Variants in RBM19 observed in about 807,000 individuals in gnomAD.
RBM19 encodes probable RNA-binding protein 19.
Under a neutral mutation model 116.8 loss-of-function variants are expected in RBM19, and 94 were observed. The observed-to-expected ratio is 0.80, with a 90% CI of 0.68 to 0.95. The LOEUF is 0.95. Ranked by LOEUF, RBM19 falls within the 40% of genes least tolerant of loss-of-function variation. The pLI is 0.00. For missense variants in RBM19, 1,161 were observed against 1,220.7 expected (o/e 0.95, Z 0.73); for synonymous variants, 475 against 494.1 (o/e 0.96, Z 0.51).
intron 21 of RBM19, among the ~76,000 whole-genome samples, chr12:113,861,822 G>A (rs1054545178): frequency 5.3e-5 from 8 of 152,296 alleles, no homozygotes; most frequent in South Asian, 2.1e-4. Flanking sequence ...ACCAGGGATC[G>A]TAGGCAGGGA....
chr12:113,848,201 T>G (rs1877147963), intron 22 of RBM19, among the ~76,000 whole-genome samples: 1 of 152,226 alleles, frequency 6.6e-6, no homozygotes. Context: ...GCTGTTATTA[T>G]GATGATGTAT....
At chr12:113,872,299 G>A (rs1410304823) in intron 21 of RBM19, among the ~76,000 whole-genome samples, 9 of 148,304 alleles carry the variant, frequency 6.1e-5, no homozygotes, top group Admixed American at 2.0e-4. Context: ...CAACCACCCC[G>A]TCTGAGAAGT....
intron 7 of RBM19, among the ~76,000 whole-genome samples, chr12:113,953,704 T>C (rs767101005): frequency 4.1e-4 from 62 of 152,232 alleles, no homozygotes; most frequent in Non-Finnish European, 6.9e-4. Context: ...CAACTGATAT[T>C]ATGTGCCAAA....
At chr12:113,955,035 G>A in intron 7 of RBM19, 96 bp downstream of exon 7, 2 of 1,219,858 alleles carry the variant, frequency 1.6e-6, no homozygotes, top group Non-Finnish European at 2.4e-6. Context: ...GTCCTCAACC[G>A]ACTCTAATGC....
At chr12:113,909,779 C>T (rs1882313140) in intron 21 of RBM19, among the ~76,000 whole-genome samples, 1 of 152,146 alleles carries the variant, frequency 6.6e-6, no homozygotes, top group East Asian at 1.9e-4. Flanking sequence ...TAAACCTAAC[C>T]CCAAACAGTG....
At chr12:113,919,209 T>G (rs958168712) in intron 19 of RBM19, among the ~76,000 whole-genome samples, 2 of 152,162 alleles carry the variant, frequency 1.3e-5, no homozygotes, top group African/African-American at 4.8e-5. Flanking sequence ...CTGCTTCACT[T>G]TAGCTGAAGG....
In RBM19 at chr12:113,939,264, C is replaced by T. The variant is rs191729636; in HGVS notation, c.1938+696G>A. Among the ~76,000 whole-genome samples, 25 of 152,232 alleles carry T rather than the reference C, an allele frequency of 1.6e-4. No individual in the cohort carries two copies. The East Asian group carries it at 4.4e-3, about 27-fold the overall frequency. ...AAGGCTGCAGCGAACCAAGATGGCG[C>T]CACTGCACTGTAGCCTGGGTGGCAG... On this transcript the variant is annotated intron_variant, in intron 15 of 23. Coordinates refer to ENST00000261741, the MANE Select transcript of RBM19 (RefSeq NM_016196.4).
chr12:113,948,847 A>G lies in RBM19; in HGVS notation c.1262T>C (p.Leu421Pro). The G allele has an allele frequency of 1.2e-6, 2 of 1,614,076 alleles. No homozygotes were observed. Among genetic ancestry groups the G allele is most frequent in the Non-Finnish European group, 1.7e-6 (2 of 1,179,974 alleles). Residue 421 changes from leucine to proline, a missense_variant, in exon 10 of 24, where the codon CTC becomes CCC. Physicochemically the swap from Leu to Pro is moderately conservative, Grantham distance 98. Transcript: ENST00000261741. ...CACACCCCTACCATATTTGGAGAAG[A>G]GCTTCTCCAGATCCTCCTCGGTGCT... is the stretch of plus-strand genomic sequence containing the variant. ...YTSTEEDLEK[L>P]FSKYGPLSEL...
intron 21 of RBM19, among the ~76,000 whole-genome samples, chr12:113,894,636 C>T (rs1159989054): frequency 6.6e-6 from 1 of 152,180 alleles, no homozygotes; most frequent in Non-Finnish European, 1.5e-5. Context: ...TCAAATTCTG[C>T]AGGGATGAAT....
At chr12:113,963,237 C>T (rs942398481) in intron 1 of RBM19, among the ~76,000 whole-genome samples, 1 of 152,178 alleles carries the variant, frequency 6.6e-6, no homozygotes, top group Non-Finnish European at 1.5e-5. Flanking sequence ...GCTATAGCTG[C>T]ACTAAAAAAC....
intron 21 of RBM19, among the ~76,000 whole-genome samples, chr12:113,891,849 A>AGG (rs1880984046): frequency 6.6e-6 from 1 of 152,200 alleles, no homozygotes; most frequent in Non-Finnish European, 1.5e-5. Flanking sequence ...AAGTGTAATC[A>AGG]CACTGCCTGG....
Position 113,957,548 on chromosome 12 carries a change from C to G in RBM19, c.840+234G>C, listed in dbSNP as rs563858233. On this transcript the variant is annotated intron_variant, in intron 6 of 23. Coordinates refer to ENST00000261741, the MANE Select transcript of RBM19 (RefSeq NM_016196.4). ...CACCACCGCACTCCAGCCTGGGTGACAGAGTGAGACTCTGTCTCAAAAAAT... is the reference window on the plus strand; with the variant it reads ...CACCACCGCACTCCAGCCTGGGTGAGAGAGTGAGACTCTGTCTCAAAAAAT... Among the ~76,000 whole-genome samples, 44 of 152,160 alleles carry G rather than the reference C, an allele frequency of 2.9e-4. 1 individual carries two copies. The East Asian group carries it at 3.7e-3, about 13-fold the overall frequency.
At chr12:113,837,104 T>C (rs113608939) in intron 23 of RBM19, among the ~76,000 whole-genome samples, 2 of 128,020 alleles carry the variant, frequency 1.6e-5, no homozygotes, top group African/African-American at 6.3e-5. Context: ...CATACATACA[T>C]ACATACACAC....
At chr12:113,964,762 A>G (rs7980795) in intron 1 of RBM19, among the ~76,000 whole-genome samples, 104,340 of 151,962 alleles carry the variant, frequency 0.69, 36,859 homozygotes, top group East Asian at 0.98. Context: ...TACACTCCTC[A>G]AATATACAGA....
At chr12:113,843,903 T>G (rs1180461742) in intron 23 of RBM19, among the ~76,000 whole-genome samples, 2 of 152,210 alleles carry the variant, frequency 1.3e-5, no homozygotes, top group Non-Finnish European at 2.9e-5. Flanking sequence ...ATACCGAGCT[T>G]GCTCCAACCT....
At chr12:113,962,436 G>C (rs765438748) in intron 1 of RBM19, 22 bp from the exon 2 acceptor site, 1 of 1,604,976 alleles carries the variant, frequency 6.2e-7, no homozygotes, top group South Asian at 1.1e-5. Flanking sequence ...GGAAAGGAAT[G>C]AGAGACGAAC....
At chr12:113,902,510 G>A (rs574562767) in intron 21 of RBM19, among the ~76,000 whole-genome samples, 2 of 149,314 alleles carry the variant, frequency 1.3e-5, no homozygotes, top group South Asian at 4.3e-4. Context: ...GGGGAAGGAG[G>A]ATCCCTTGAG....
intron 17 of RBM19, 115 bp downstream of exon 17, chr12:113,926,939 C>G (rs1453736450): frequency 1.6e-6 from 2 of 1,231,866 alleles, no homozygotes; most frequent in Non-Finnish European, 2.3e-6. Flanking sequence ...GTTATTGCTC[C>G]CAAGTGCATA....
chr12:113,836,552 T>G (rs1875907243), intron 23 of RBM19, among the ~76,000 whole-genome samples: 2 of 152,068 alleles, frequency 1.3e-5, no homozygotes, highest in South Asian at 4.1e-4. Flanking sequence ...GTAAGGAACC[T>G]GGATAAGCAG....
Sources: gnomAD v4.1 joint callset for allele counts (sites outside exome capture counted in the v4.1 genomes callset) on GRCh38, gnomAD v4.1.1 for gene constraint, MANE v1.5 for transcripts, NCBI Gene and HGNC (gene_info 2026-07-23, HGNC 2026-07-21) for gene names.